Variants in DECR1 observed in about 807,000 individuals in gnomAD.
DECR1 encodes the protein 2,4-dienoyl-CoA reductase 1, also known as 2,4-dienoyl-CoA reductase [(3E)-enoyl-CoA-producing], mitochondrial.
In DECR1, 44 loss-of-function variants were observed where a neutral mutation model predicts 38.8. The ratio of observed to expected loss-of-function variants is 1.13; its 90% confidence interval spans 0.89 to 1.46. DECR1 has a LOEUF of 1.46. Among genes scored for constraint, DECR1 ranks in the 40% most tolerant of loss-of-function variants. The probability of loss-of-function intolerance (pLI) is 0.00; values close to 1 mark genes in which losing one functional copy is unlikely to be tolerated. For missense variants in DECR1, 428 were observed against 405.5 expected (o/e 1.06, Z -0.48); for synonymous variants, 148 against 135.2 (o/e 1.09, Z -0.66).
chr8:90,008,553 A>G (rs1208711371), intron 1 of DECR1, among the ~76,000 whole-genome samples: 1 of 152,170 alleles, frequency 6.6e-6, no homozygotes, highest in Non-Finnish European at 1.5e-5. Context: ...TTTTCAGTAA[A>G]CAGGAGACCT....
At chr8:90,037,448 CTTT>C (rs538084218) in intron 6 of DECR1, among the ~76,000 whole-genome samples, 10 of 137,200 alleles carry the variant, frequency 7.3e-5, no homozygotes, top group East Asian at 2.1e-4. Flanking sequence ...AGTATAACTG[CTTT>C]TTTTTTTTTT....
rs147787493 is a variant in DECR1 at position 90,012,241 on chromosome 8, C to T, written c.70-4883C>T. Among the ~76,000 whole-genome samples, 200 of 151,870 alleles carry T rather than the reference C, an allele frequency of 1.3e-3. 1 individual carries two copies. Among genetic ancestry groups the T allele is most frequent in the Non-Finnish European group, 2.0e-3 (137 of 67,944 alleles). ...GATCTTGGCTCACTGCAACCTCCGCCATCTGGGTTCAAGAAATTCTCCTGC... is the reference window on the plus strand; with the variant it reads ...GATCTTGGCTCACTGCAACCTCCGCTATCTGGGTTCAAGAAATTCTCCTGC... On this transcript the variant is annotated intron_variant, in intron 1 of 9. Transcript: ENST00000220764.
chr8:90,035,486 C>T (rs1385183822), intron 5 of DECR1, among the ~76,000 whole-genome samples: 1 of 151,588 alleles, frequency 6.6e-6, no homozygotes, highest in Admixed American at 6.6e-5. Flanking sequence ...TCAATTTTTC[C>T]TTTCAGATGC....
intron 8 of DECR1, among the ~76,000 whole-genome samples, chr8:90,049,293 C>G (rs947810357): frequency 1.2e-4 from 19 of 152,142 alleles, no homozygotes; most frequent in African/African-American, 4.3e-4. Context: ...CATCTCAGCC[C>G]AAAACCTCCT....
At chr8:90,045,122 T>C (rs924747792) in intron 8 of DECR1, 127 bp downstream of exon 8, 1 of 738,684 alleles carries the variant, frequency 1.4e-6, no homozygotes, top group African/African-American at 1.8e-5. Context: ...TAGTTGTAAA[T>C]AATATAAAAT....
At chr8:90,051,786 A>C (rs1161601508) in intron 9 of DECR1, 47 bp downstream of exon 9, 1 of 1,612,814 alleles carries the variant, frequency 6.2e-7, no homozygotes, top group South Asian at 1.1e-5. Context: ...TAGGATACTA[A>C]GCTTTAAAAA....
At chr8:90,045,304 C>T (rs1813866086) in intron 8 of DECR1, among the ~76,000 whole-genome samples, 1 of 152,036 alleles carries the variant, frequency 6.6e-6, no homozygotes, top group African/African-American at 2.4e-5. Flanking sequence ...ACAGATGGTA[C>T]CTGGAAAATC....
At chr8:90,014,507 T>G (rs1812958156) in intron 1 of DECR1, among the ~76,000 whole-genome samples, 1 of 152,198 alleles carries the variant, frequency 6.6e-6, no homozygotes. Flanking sequence ...AGGTTAGTAT[T>G]GATCAGATCA....
chr8:90,011,765 T>TC (rs1325960893), intron 1 of DECR1, among the ~76,000 whole-genome samples: 1 of 152,184 alleles, frequency 6.6e-6, no homozygotes, highest in Non-Finnish European at 1.5e-5. Flanking sequence ...TAGCTCCTTC[T>TC]CCCCCTGCTT....
Position 90,051,677 on chromosome 8 carries a change from G to A in DECR1, c.886G>A (p.Val296Ile), listed in dbSNP as rs1814097251. The A allele has an allele frequency of 6.2e-7, 1 of 1,610,806 alleles. No homozygotes were observed. Among genetic ancestry groups the A allele is most frequent in the Non-Finnish European group, 8.5e-7 (1 of 1,179,488 alleles). ...SDYASWINGA[V>I]IKFDGGEEVL... ...GAGTTTAAAAATTTGTTTTTTCCAGGTCATTAAATTTGACGGTGGAGAGGA... is the reference window on the plus strand; with the variant it reads ...GAGTTTAAAAATTTGTTTTTTCCAGATCATTAAATTTGACGGTGGAGAGGA... Residue 296 changes from valine to isoleucine, a missense_variant and splice_region_variant, in exon 9 of 10, where the codon GTC becomes ATC. Val to Ile is a conservative substitution (Grantham distance 29, BLOSUM62 3). Coordinates refer to ENST00000220764, the MANE Select transcript of DECR1 (RefSeq NM_001359.2).
intron 2 of DECR1, 70 bp downstream of exon 2, chr8:90,017,396 C>G (rs1813035610): frequency 1.7e-6 from 2 of 1,181,342 alleles, no homozygotes; most frequent in African/African-American, 3.1e-5. Flanking sequence ...GTATTGAAAA[C>G]ACTGTTCGCC....
At chr8:90,034,056 T>C (rs1209824681) in intron 5 of DECR1, among the ~76,000 whole-genome samples, 1 of 152,066 alleles carries the variant, frequency 6.6e-6, no homozygotes, top group Non-Finnish European at 1.5e-5. Context: ...ATAGAAGGAG[T>C]TACCAGAATG....
In DECR1 at chr8:90,017,088, T is replaced by C. The variant is rs773046174; in HGVS notation, c.70-36T>C. Reference sequence around the variant, plus strand: ...AAAATTCATCTGTTTTTTGGAAATATATGTATGCAAATTTAAATTCATTTT... The same window carrying C: ...AAAATTCATCTGTTTTTTGGAAATACATGTATGCAAATTTAAATTCATTTT... On this transcript the variant is annotated intron_variant, in intron 1 of 9. Coordinates refer to ENST00000220764, the MANE Select transcript of DECR1 (RefSeq NM_001359.2). 8.1e-6 allele frequency: 12 copies of C among 1,484,464 alleles called. No individual in the cohort carries two copies. The African/African-American group carries it at 1.3e-4, about 15-fold the overall frequency. The allele number at this position is 1,484,464 out of a possible 1,614,324, so 92.0% of individuals were successfully genotyped here.
At chr8:90,050,565 C>T (rs767429261) in intron 8 of DECR1, among the ~76,000 whole-genome samples, 4 of 152,206 alleles carry the variant, frequency 2.6e-5, no homozygotes, top group Admixed American at 1.3e-4. Context: ...AACACTTTTA[C>T]GCTGTTGGTG....
At chr8:90,048,883 A>G (rs1813987918) in intron 8 of DECR1, among the ~76,000 whole-genome samples, 1 of 152,246 alleles carries the variant, frequency 6.6e-6, no homozygotes, top group African/African-American at 2.4e-5. Flanking sequence ...GGCTGGTTCA[A>G]CATACCCAAA....
intron 1 of DECR1, chr8:90,005,573 C>T (rs1297537096): frequency 2.6e-6 from 1 of 391,606 alleles, no homozygotes; most frequent in East Asian, 7.1e-5. Context: ...GAGGGCAGAA[C>T]ATTGTCCTCT....
intron 1 of DECR1, chr8:90,016,728 T>C (rs1813017748): frequency 6.2e-6 from 1 of 160,220 alleles, no homozygotes; most frequent in African/African-American, 2.4e-5. Context: ...CTGCAGCTAA[T>C]AATGGTAGCA....
intron 8 of DECR1, 72 bp downstream of exon 8, chr8:90,045,067 C>G: frequency 7.4e-7 from 1 of 1,343,822 alleles, no homozygotes; most frequent in Non-Finnish European, 1.1e-6. Flanking sequence ...GTTGTGGAAC[C>G]AATCCTGACA....
At chr8:90,031,122 C>A (rs575699191) in intron 5 of DECR1, among the ~76,000 whole-genome samples, 2 of 152,218 alleles carry the variant, frequency 1.3e-5, no homozygotes, top group South Asian at 4.1e-4. Flanking sequence ...AAGTTCCAAT[C>A]CTGGTTAATA....
Sources: allele counts gnomAD v4.1 joint callset (sites outside exome capture counted in the v4.1 genomes callset), GRCh38; gene constraint gnomAD v4.1.1; transcripts MANE v1.5; gene names NCBI Gene and HGNC (gene_info 2026-07-23, HGNC 2026-07-21).